The following FARS2 variants were observed in gnomAD, a reference collection of about 807,000 sequenced individuals.
The protein encoded by FARS2 is phenylalanyl-tRNA synthetase 2, mitochondrial.
In FARS2, 40 loss-of-function variants were observed where a neutral mutation model predicts 46.4. That is an observed-to-expected ratio of 0.86 (90% CI 0.67 to 1.12). The LOEUF (loss-of-function observed/expected upper bound fraction) is 1.12, where lower values mean the gene tolerates loss of function less well. FARS2 is among the 50% of genes most tolerant of loss of function. FARS2 has a pLI of 0.00. For missense variants in FARS2, 513 were observed against 567.9 expected (o/e 0.90, Z 0.98); for synonymous variants, 234 against 214.9 (o/e 1.09, Z -0.78).
At chr6:5,730,463 C>T (rs544712238) in intron 6 of FARS2, among the ~76,000 whole-genome samples, 2 of 151,890 alleles carry the variant, frequency 1.3e-5, no homozygotes, top group South Asian at 2.1e-4. Context: ...GGGAAGATCA[C>T]TTACCGAGTC....
intron 6 of FARS2, among the ~76,000 whole-genome samples, chr6:5,747,186 G>A (rs539935253): frequency 2.6e-4 from 40 of 152,332 alleles, no homozygotes; most frequent in African/African-American, 9.6e-4. Flanking sequence ...AAGAGATAAG[G>A]TCACAAAGAT....
intron 6 of FARS2, among the ~76,000 whole-genome samples, chr6:5,739,112 A>G (rs1296437203): frequency 6.6e-6 from 1 of 152,128 alleles, no homozygotes; most frequent in Non-Finnish European, 1.5e-5. Context: ...ATGTACACGG[A>G]GTCACACTGA....
At chr6:5,652,734 C>T (rs1348147000) in intron 6 of FARS2, among the ~76,000 whole-genome samples, 1 of 152,204 alleles carries the variant, frequency 6.6e-6, no homozygotes, top group Non-Finnish European at 1.5e-5. Context: ...CAGCAAATGG[C>T]CAGATGTGGG....
At chr6:5,302,398 G>A (rs1215688554) in intron 1 of FARS2, among the ~76,000 whole-genome samples, 1 of 152,172 alleles carries the variant, frequency 6.6e-6, no homozygotes, top group Non-Finnish European at 1.5e-5. Context: ...TTGTGTCAGA[G>A]AGTCGCAAAG....
chr6:5,396,344 C>T (rs1009085729), intron 2 of FARS2, among the ~76,000 whole-genome samples: 4 of 152,144 alleles, frequency 2.6e-5, no homozygotes, highest in African/African-American at 9.7e-5. Flanking sequence ...CATTGGTCCT[C>T]AGCCTTCATC....
intron 5 of FARS2, among the ~76,000 whole-genome samples, chr6:5,576,776 G>T (rs935068307): frequency 6.6e-5 from 10 of 151,748 alleles, no homozygotes; most frequent in African/African-American, 2.2e-4. Context: ...GACTTTTGAA[G>T]ATAGTAAATA....
At chr6:5,507,651 G>T (rs1768178355) in intron 4 of FARS2, among the ~76,000 whole-genome samples, 1 of 152,188 alleles carries the variant, frequency 6.6e-6, no homozygotes, top group Non-Finnish European at 1.5e-5. Context: ...TTTAAGAGAG[G>T]CAGAACTTAT....
chr6:5,740,254 G>A (rs1307894484), intron 6 of FARS2, among the ~76,000 whole-genome samples: 2 of 152,104 alleles, frequency 1.3e-5, no homozygotes, highest in African/African-American at 2.4e-5. Flanking sequence ...TTTCATCTAA[G>A]GCATGATAAA....
At chr6:5,430,978 G>C (rs1227319985) in intron 3 of FARS2, 63 bp from the exon 4 acceptor site, 10 of 1,550,106 alleles carry the variant, frequency 6.5e-6, no homozygotes, top group South Asian at 4.9e-5. Context: ...GGGAAAATTT[G>C]ATCACAAGAA....
rs201059046 is a variant in FARS2, at chr6:5,464,787, T to TAAAG, written c.904+33635_904+33638dup. ...CAGAGAAAAGTATCTCTTACAGGGT[T>TAAAG]AAAGAAAGAAAGAAAGAAAGAAATT... On this transcript the variant is annotated intron_variant, in intron 4 of 6. Transcript: ENST00000274680. Among the ~76,000 whole-genome samples the TAAAG allele has an allele frequency of 3.9e-3, 591 of 152,050 alleles. 5 individuals carry two copies. The highest frequency in any genetic ancestry group is 0.014 in the African/African-American group (565 of 41,518).
chr6:5,594,514 A>T (rs181572540), intron 5 of FARS2, among the ~76,000 whole-genome samples: 1 of 152,336 alleles, frequency 6.6e-6, no homozygotes, highest in Non-Finnish European at 1.5e-5. Context: ...CAGAGAATTT[A>T]AACTAAAGAA....
At position 5,762,946 on chromosome 6, in the gene FARS2, G is replaced by C. The variant is rs79009717; in HGVS notation, c.1218-8345G>C. 2.9e-3 allele frequency among the ~76,000 whole-genome samples: 437 copies of C among 152,310 alleles called. 1 individual carries two copies. The highest frequency in any genetic ancestry group is 0.01 in the African/African-American group (421 of 41,572). On this transcript the variant is annotated intron_variant, in intron 6 of 6. Transcript: ENST00000274680. ...AGGAGCGTCAGGCCCAGGACAGACC[G>C]TTGTGAGAACGAGGAGGAGAACCTC...
intron 1 of FARS2, among the ~76,000 whole-genome samples, chr6:5,353,536 C>G (rs549166922): frequency 6.6e-6 from 1 of 152,212 alleles, no homozygotes; most frequent in African/African-American, 2.4e-5. Flanking sequence ...ATAAGGATTC[C>G]TCTTTCTCTG....
At position 5,604,831 on chromosome 6, in the gene FARS2, T is replaced by TGACA. The variant is rs572515488; in HGVS notation, c.1066-8337_1066-8334dup. Among the ~76,000 whole-genome samples the TGACA allele has an allele frequency of 2.3e-3, 350 of 152,358 alleles. 1 individual carries two copies. The highest frequency in any genetic ancestry group is 7.9e-3 in the African/African-American group (330 of 41,584). On this transcript the variant is annotated intron_variant, in intron 5 of 6. Coordinates refer to ENST00000274680, the MANE Select transcript of FARS2 (RefSeq NM_006567.5). ...CTCAGCTGTCTGTATTTGAACTGCA[T>TGACA]GACACACTTTTGAGTCTGGGTCATA... is the stretch of plus-strand genomic sequence containing the variant.
intron 1 of FARS2, among the ~76,000 whole-genome samples, chr6:5,262,688 T>G (rs978631128): frequency 2.0e-5 from 3 of 152,252 alleles, no homozygotes; most frequent in Non-Finnish European, 4.4e-5. Context: ...CTAATCCTGA[T>G]GCAATGACAT....
At chr6:5,449,622 C>T (rs1764372027) in intron 4 of FARS2, among the ~76,000 whole-genome samples, 1 of 152,092 alleles carries the variant, frequency 6.6e-6, no homozygotes, top group African/African-American at 2.4e-5. Context: ...TTGCTGAATA[C>T]CTGGTAGTAC....
rs140990963 is a variant in FARS2 at position 5,377,702 on chromosome 6, A to G, written c.612+8520A>G. On this transcript the variant is annotated intron_variant, in intron 2 of 6. Coordinates refer to ENST00000274680, the MANE Select transcript of FARS2 (RefSeq NM_006567.5). ...ATTTTACAGGAAAATAAAAAATATA[A>G]GAGCAATATACCAATTTTTATAAAG... Among the ~76,000 whole-genome samples, 168 of 152,314 alleles carry G rather than the reference A, an allele frequency of 1.1e-3. 1 individual carries two copies. Among genetic ancestry groups the G allele is most frequent in the African/African-American group, 3.8e-3 (159 of 41,588 alleles).
At chr6:5,442,795 C>A (rs1763916235) in intron 4 of FARS2, among the ~76,000 whole-genome samples, 1 of 152,174 alleles carries the variant, frequency 6.6e-6, no homozygotes, top group African/African-American at 2.4e-5. Context: ...ATGCCCTTTT[C>A]ACTGAATTGG....
the FARS2 span, among the ~76,000 whole-genome samples, chr6:5,251,590 AT>A: frequency 6.6e-6 from 1 of 152,190 alleles, no homozygotes; most frequent in Non-Finnish European, 1.5e-5. Context: ...CTCACTCATT[AT>A]TGTGAGGACA....
Sources: allele counts gnomAD v4.1 joint callset (sites outside exome capture counted in the v4.1 genomes callset), GRCh38; gene constraint gnomAD v4.1.1; transcripts MANE v1.5; gene names NCBI Gene and HGNC (gene_info 2026-07-23, HGNC 2026-07-21).